Variants in FRY observed in about 807,000 individuals in gnomAD.
The protein encoded by FRY is protein furry homolog.
FRY carries 128 observed loss-of-function variants against 348.4 expected under a neutral mutation model. That is an observed-to-expected ratio of 0.37 (90% CI 0.32 to 0.43). FRY has a LOEUF of 0.43. FRY is among the 20% of genes least tolerant of loss of function. The probability of loss-of-function intolerance (pLI) is 1.00; values close to 1 mark genes in which losing one functional copy is unlikely to be tolerated. For synonymous variants in FRY, 1,370 were observed against 1,374.7 expected (o/e 1.00, Z 0.08); for missense variants, 2,736 against 3,695.2 (o/e 0.74, Z 6.73).
At chr13:32,087,662 G>A (rs1175359284) in intron 2 of FRY, among the ~76,000 whole-genome samples, 3 of 152,182 alleles carry the variant, frequency 2.0e-5, no homozygotes, top group African/African-American at 7.2e-5. Context: ...AGGTGTAAAA[G>A]AGGTTTTTTC....
intron 2 of FRY, among the ~76,000 whole-genome samples, chr13:32,097,767 A>AGT (rs139812456): frequency 1.1e-4 from 16 of 151,356 alleles, no homozygotes; most frequent in South Asian, 4.2e-4. Flanking sequence ...ATATGTTTGG[A>AGT]GTGTGTGTGT....
chr13:32,228,973 C>G (rs1366839388), intron 40 of FRY, among the ~76,000 whole-genome samples: 1 of 152,138 alleles, frequency 6.6e-6, no homozygotes, highest in Non-Finnish European at 1.5e-5. Context: ...TGCCTTTAGC[C>G]ATCTATCAGA....
At chr13:32,244,204 C>G in intron 47 of FRY, 22 bp downstream of exon 47, 1 of 1,607,572 alleles carries the variant, frequency 6.2e-7, no homozygotes, top group Non-Finnish European at 8.5e-7. Flanking sequence ...GATAACTTCA[C>G]TAAGCAACCA....
chr13:32,269,252 T>A (rs1326346205), intron 55 of FRY, among the ~76,000 whole-genome samples: 1 of 152,252 alleles, frequency 6.6e-6, no homozygotes, highest in Admixed American at 6.5e-5. Context: ...TAAATCTGCC[T>A]TAAAATATCA....
chr13:32,047,044 T>C (rs1273989441), intron 1 of FRY, among the ~76,000 whole-genome samples: 1 of 152,220 alleles, frequency 6.6e-6, no homozygotes. Flanking sequence ...TATATGGGTA[T>C]ATATGTATAT....
intron 35 of FRY, among the ~76,000 whole-genome samples, chr13:32,217,299 A>G (rs11843930): frequency 0.036 from 5,525 of 152,250 alleles, 337 homozygotes; most frequent in African/African-American, 0.12. Context: ...ATCATTTTAT[A>G]TAAAATAAAT....
In FRY at chr13:32,254,384, A is replaced by C; in HGVS notation, c.7406A>C (p.Glu2469Ala). 2 of 1,613,850 alleles carry C rather than the reference A, an allele frequency of 1.2e-6. No individual in the cohort carries two copies. Among genetic ancestry groups the C allele is most frequent in the Non-Finnish European group, 1.7e-6 (2 of 1,179,728 alleles). The change falls in exon 51 of 61, where the codon GAG (glutamate) becomes GCG (alanine). Residue 2469 changes from glutamate (E) to alanine (A), a missense_variant. Around this residue, in one of 9 missense-constraint regions of FRY, gnomAD observed 789 missense variants for 996.2 expected, o/e 0.79. Transcript: ENST00000542859. The part of the protein sequence containing the change: ...RDFDFLDVEL[E>A]DGEGESMDNF... ...TTCGACTTCCTAGATGTGGAGCTGG[A>C]GGATGGAGAGGTACGGTGTATTCTC...
At chr13:32,222,011 G>A (rs935549060) in intron 36 of FRY, among the ~76,000 whole-genome samples, 1 of 152,120 alleles carries the variant, frequency 6.6e-6, no homozygotes, top group African/African-American at 2.4e-5. Flanking sequence ...ATGGGTGGAG[G>A]GGGAGGGACT....
intron 35 of FRY, 36 bp downstream of exon 35, chr13:32,212,418 T>C (rs922893648): frequency 8.3e-7 from 1 of 1,197,688 alleles, no homozygotes; most frequent in Non-Finnish European, 1.2e-6. Context: ...TCCAGTGTAA[T>C]GTTCTGCAAT....
intron 57 of FRY, 68 bp from the exon 58 acceptor site, chr13:32,278,397 G>GAATTATACCAA (rs1444634503): frequency 2.3e-6 from 2 of 859,918 alleles, no homozygotes; most frequent in Admixed American, 3.4e-5. Flanking sequence ...TTTCCTAATG[G>GAATTATACCAA]AATTATACCA....
intron 1 of FRY, among the ~76,000 whole-genome samples, chr13:32,032,287 G>T (rs931061227): frequency 1.9e-4 from 29 of 152,172 alleles, no homozygotes; most frequent in African/African-American, 6.5e-4. Flanking sequence ...AATCAAAGGG[G>T]TGTGGCAGGG....
chr13:32,150,502 C>T (rs1401840131), intron 14 of FRY, among the ~76,000 whole-genome samples: 1 of 152,232 alleles, frequency 6.6e-6, no homozygotes, highest in African/African-American at 2.4e-5. Context: ...CCACTTGCCA[C>T]AGGCTCTGCT....
chr13:32,254,117 T>A, intron 50 of FRY, 107 bp from the exon 51 acceptor site: 1 of 963,906 alleles, frequency 1.0e-6, no homozygotes, highest in South Asian at 1.3e-5. Context: ...CTGAAGGAAT[T>A]AGGTGTGTAC....
At chr13:32,112,655 T>C (rs1878045483) in intron 3 of FRY, among the ~76,000 whole-genome samples, 1 of 152,260 alleles carries the variant, frequency 6.6e-6, no homozygotes, top group Non-Finnish European at 1.5e-5. Flanking sequence ...TCTAAGTAAC[T>C]TCAGTTAAGG....
chr13:32,039,055 C>G (rs1161884814), intron 1 of FRY, among the ~76,000 whole-genome samples: 1 of 152,136 alleles, frequency 6.6e-6, no homozygotes, highest in East Asian at 1.9e-4. Flanking sequence ...GTTTCAGAGA[C>G]AGAGTAGGCC....
In FRY at chr13:32,103,920, G is replaced by A. The variant is rs990837117; in HGVS notation, c.324+1904G>A. Among the ~76,000 whole-genome samples the A allele has an allele frequency of 2.6e-5, 4 of 151,840 alleles. No individual in the cohort carries two copies. The South Asian group carries it at 6.2e-4, about 24-fold the overall frequency. On this transcript the variant is annotated intron_variant, in intron 3 of 60. Transcript: ENST00000542859. ...GAGGTTGCAATTGAGCCGAGTTCAC[G>A]CCACTGCACTCAAACCTGGGTAACA...
rs1566189629 is a variant in FRY at position 32,276,535 on chromosome 13, C to T, written c.8358C>T (p.Tyr2786=). The change falls in exon 57 of 61, where the codon TAC becomes TAT. Residue 2786 remains tyrosine, a synonymous_variant. Transcript: ENST00000542859. ...AACTGCAAGAATATTTGGATACCTA[C>T]AACAACAGGAAAGAGGCCACACTCT... is the stretch of plus-strand genomic sequence containing the variant. ...VLELQEYLDT[Y]NNRKEATLSW... The T allele has an allele frequency of 6.3e-7, 1 of 1,594,428 alleles. No individual in the cohort carries two copies. The highest frequency in any genetic ancestry group is 1.7e-5 in the Admixed American group (1 of 59,992).
At chr13:32,233,855 A>G (rs1003611540) in intron 41 of FRY, among the ~76,000 whole-genome samples, 2 of 152,262 alleles carry the variant, frequency 1.3e-5, no homozygotes, top group African/African-American at 2.4e-5. Context: ...CAAGTTAAAG[A>G]TAAGGAAACA....
chr13:32,215,573 AGTTTTT>A (rs1401129893), intron 35 of FRY, among the ~76,000 whole-genome samples: 3 of 152,192 alleles, frequency 2.0e-5, no homozygotes, highest in Non-Finnish European at 2.9e-5. Flanking sequence ...AATCTTCATA[AGTTTTT>A]GTTTTTGTTT....
Sources: gnomAD v4.1 joint callset for allele counts (sites outside exome capture counted in the v4.1 genomes callset) on GRCh38, gnomAD v4.1.1 for gene constraint, gnomAD v4.1.1 regional missense constraint, MANE v1.5 for transcripts, NCBI Gene and HGNC (gene_info 2026-07-23, HGNC 2026-07-21) for gene names.